Variants in CFAP46 observed in about 807,000 individuals in gnomAD.
The protein encoded by CFAP46 is cilia and flagella associated protein 46, also known as cilia- and flagella-associated protein 46.
In CFAP46, 245 loss-of-function variants were observed where a neutral mutation model predicts 325.7. That is an observed-to-expected ratio of 0.75 (90% confidence interval 0.68 to 0.84). The LOEUF is 0.84. Among genes scored for constraint, CFAP46 ranks in the 40% least tolerant of loss-of-function variants. The pLI, the probability that CFAP46 is intolerant of heterozygous loss-of-function variation, is 0.00. For missense variants in CFAP46, 3,346 were observed against 3,543.0 expected (o/e 0.94, Z 1.41); for synonymous variants, 1,523 against 1,495.9 (o/e 1.02, Z -0.42).
intron 41 of CFAP46, among the ~76,000 whole-genome samples, chr10:132,848,740 C>T (rs1326509574): frequency 6.6e-6 from 1 of 152,206 alleles, no homozygotes; most frequent in African/African-American, 2.4e-5. Flanking sequence ...CCCACTCGGG[C>T]CCCCTCTCCG....
chr10:132,893,018 T>TA (rs1849275294), intron 24 of CFAP46, among the ~76,000 whole-genome samples: 2 of 152,098 alleles, frequency 1.3e-5, no homozygotes, highest in Non-Finnish European at 2.9e-5. Flanking sequence ...CCAAGAGACA[T>TA]AAAAAACCTA....
chr10:132,910,120 T>C, intron 19 of CFAP46, 52 bp from the exon 20 acceptor site: 6 of 1,346,272 alleles, frequency 4.5e-6, no homozygotes, highest in Middle Eastern at 3.9e-4. Context: ...ACAGGGGACC[T>C]TGAGCCAAGA....
At position 132,811,166 on chromosome 10, in the gene CFAP46, C is replaced by T. The variant is rs1253798340; in HGVS notation, c.7502-135G>A. ...CTGGCCACTCAGCTCCGGGCTCCGA[C>T]CTCATGACCGTCAGGTTTTTTCCAG... On this transcript the variant is annotated intron_variant, in intron 55 of 57. Coordinates refer to ENST00000368586, the MANE Select transcript of CFAP46 (RefSeq NM_001200049.3). The T allele has an allele frequency of 9.9e-5, 74 of 743,930 alleles. 1 individual carries two copies. In the Admixed American group the frequency reaches 1.6e-3, roughly 16 times the overall value. The allele number at this position is 743,930 out of a possible 1,614,324, so 46.1% of individuals were successfully genotyped here.
intron 22 of CFAP46, among the ~76,000 whole-genome samples, chr10:132,903,857 T>G (rs1235706951): frequency 1.3e-5 from 2 of 152,246 alleles, no homozygotes; most frequent in Non-Finnish European, 2.9e-5. Context: ...AATGACACTC[T>G]TAAGACTATT....
intron 24 of CFAP46, among the ~76,000 whole-genome samples, chr10:132,894,584 C>CAA (rs140875977): frequency 7.0e-6 from 1 of 142,880 alleles, no homozygotes; most frequent in Non-Finnish European, 1.5e-5. Context: ...AGCTAACTGA[C>CAA]AAAAAAAAAA....
At chr10:132,873,214 G>A (rs932214537) in intron 31 of CFAP46, among the ~76,000 whole-genome samples, 14 of 151,886 alleles carry the variant, frequency 9.2e-5, no homozygotes, top group African/African-American at 3.4e-4. Context: ...ATATAGAGAA[G>A]AGCTAATGCT....
Position 132,918,520 on chromosome 10 carries a change from C to A in CFAP46, c.1859G>T (p.Gly620Val). 1 of 1,512,076 alleles carries A rather than the reference C, an allele frequency of 6.6e-7. No individual in the cohort carries two copies. Among genetic ancestry groups the A allele is most frequent in the South Asian group, 1.2e-5 (1 of 81,742 alleles). 93.7% of individuals were successfully genotyped at this position (1,512,076 alleles called of 1,614,324 possible). The stretch of plus-strand genomic sequence containing the variant: ...GCCGTCCCTACCTCGCTTCTTCTTC[C>A]CTGAGAGAAATGGCAGCAGGTAAGG... ...VKVKKLRLRR[G>V]KKKRGRDGSV... The change falls in exon 16 of 58, where the codon GGG becomes GTG. Residue 620 changes from glycine to valine, a missense_variant and splice_region_variant. Physicochemically the swap from Gly to Val is moderately radical, Grantham distance 109 (BLOSUM62 -3). Coordinates refer to ENST00000368586, the MANE Select transcript of CFAP46 (RefSeq NM_001200049.3).
At chr10:132,856,413 T>G (rs1424130716) in intron 39 of CFAP46, among the ~76,000 whole-genome samples, 1 of 152,226 alleles carries the variant, frequency 6.6e-6, no homozygotes, top group Non-Finnish European at 1.5e-5. Flanking sequence ...GTTATTCAAA[T>G]TATTCTGTTT....
intron 33 of CFAP46, among the ~76,000 whole-genome samples, chr10:132,868,420 T>C (rs892341164): frequency 6.6e-6 from 1 of 152,084 alleles, no homozygotes; most frequent in East Asian, 1.9e-4. Flanking sequence ...ACCAGGAGAG[T>C]GTGGACACGG....
chr10:132,813,194 G>T (rs1042353383), intron 54 of CFAP46, among the ~76,000 whole-genome samples: 4 of 152,156 alleles, frequency 2.6e-5, no homozygotes, highest in Non-Finnish European at 5.9e-5. Flanking sequence ...CTTTCCCAAT[G>T]GCCCAGCACC....
At position 132,847,406 on chromosome 10, in the gene CFAP46, G is replaced by A. The variant is rs1848457781; in HGVS notation, c.5953-85C>T. Reference sequence around the variant, plus strand: ...AGGGCCCACCCAGGGAGGCCGGGGTGGTCGGGCTCCTCAGCAGGGTCCCCG... The same window carrying A: ...AGGGCCCACCCAGGGAGGCCGGGGTAGTCGGGCTCCTCAGCAGGGTCCCCG... On this transcript the variant is annotated intron_variant, in intron 41 of 57. Transcript: ENST00000368586. The surrounding 1 kb of genome is among the most constrained non-coding windows in gnomAD (Gnocchi z 5.2). 2 of 1,549,244 alleles carry A rather than the reference G, an allele frequency of 1.3e-6. No individual in the cohort carries two copies. The highest frequency in any genetic ancestry group is 2.4e-5 in the South Asian group (2 of 84,904).
rs556159315 is a variant in CFAP46, at chr10:132,817,681, C to G, written c.7118-2767G>C. ...GCGGCGCCCCAGACTCAGCGGTTGG[C>G]GGCTGAGGACACTCAAGGCTCTAGA... On this transcript the variant is annotated intron_variant, in intron 50 of 57. Coordinates refer to ENST00000368586, the MANE Select transcript of CFAP46 (RefSeq NM_001200049.3). This position sits in a 1 kb window ranked among gnomAD's most constrained non-coding sequence, Gnocchi z 4.4. Among the ~76,000 whole-genome samples, 10 of 152,322 alleles carry G rather than the reference C, an allele frequency of 6.6e-5. No homozygotes were observed. In the East Asian group the frequency reaches 1.9e-3, roughly 29 times the overall value.
At chr10:132,825,206 CTGTG>C (rs1319453247) in intron 50 of CFAP46, among the ~76,000 whole-genome samples, 3 of 117,944 alleles carry the variant, frequency 2.5e-5, no homozygotes, top group Non-Finnish European at 5.4e-5. Flanking sequence ...GCGCTGTGTG[CTGTG>C]TGTGTGCCCT....
intron 40 of CFAP46, 152 bp from the exon 41 acceptor site, chr10:132,850,584 G>A: frequency 1.4e-6 from 1 of 726,810 alleles, no homozygotes; most frequent in Non-Finnish European, 2.2e-6. Flanking sequence ...GGGTCTCCAG[G>A]GCTCTGGTGT....
In CFAP46 at chr10:132,919,274, C is replaced by T. The variant is rs948693235; in HGVS notation, c.1858+41G>A. ...ACCCTTCCCACACCCAGAGGGCGGC[C>T]GTGGCCAGGCTGGGACACACTCGTG... On this transcript the variant is annotated intron_variant, in intron 15 of 57. Transcript: ENST00000368586. The surrounding 1 kb of genome is among the most constrained non-coding windows in gnomAD (Gnocchi z 9.7). 120 of 1,526,914 alleles carry T rather than the reference C, an allele frequency of 7.9e-5. No homozygotes were observed. Among genetic ancestry groups the T allele is most frequent in the Admixed American group, 1.2e-4 (6 of 48,704 alleles). 94.6% of individuals were successfully genotyped at this position (1,526,914 alleles called of 1,614,324 possible).
intron 22 of CFAP46, among the ~76,000 whole-genome samples, chr10:132,901,558 C>T (rs1849392221): frequency 6.6e-6 from 1 of 152,232 alleles, no homozygotes; most frequent in Non-Finnish European, 1.5e-5. Context: ...GGAATCGCTG[C>T]CTCTCAGCCC....
intron 41 of CFAP46, among the ~76,000 whole-genome samples, chr10:132,848,090 C>T (rs1848471024): frequency 6.6e-6 from 1 of 152,146 alleles, no homozygotes; most frequent in Non-Finnish European, 1.5e-5. Flanking sequence ...CCAACCAGGG[C>T]TGCACCACGT....
At chr10:132,855,897 A>G (rs530722822) in intron 39 of CFAP46, among the ~76,000 whole-genome samples, 49 of 152,270 alleles carry the variant, frequency 3.2e-4, no homozygotes, top group African/African-American at 9.9e-4. Flanking sequence ...ATTGGACACA[A>G]TTTCCCCTGG....
rs147757094 is a variant in CFAP46, at chr10:132,941,499, G to A, written c.306+92C>T. On this transcript the variant is annotated intron_variant, in intron 3 of 57. Transcript: ENST00000368586. ...GAATTCCTTCACTCTACTACCCTAA[G>A]AACGATTTTAAGCCTGGTCTAGCCT... The A allele has an allele frequency of 1.6e-4, 243 of 1,492,608 alleles. 3 individuals carry two copies. The Middle Eastern group carries it at 1.8e-3, about 11-fold the overall frequency. The allele number at this position is 1,492,608 out of a possible 1,614,324, so 92.5% of individuals were successfully genotyped here.
Sources: allele counts gnomAD v4.1 joint callset (sites outside exome capture counted in the v4.1 genomes callset), GRCh38; gene constraint gnomAD v4.1.1; non-coding constraint Gnocchi (gnomAD v3.1); transcripts MANE v1.5; gene names NCBI Gene and HGNC (gene_info 2026-07-23, HGNC 2026-07-21).